The following SPEN variants were observed in gnomAD, a reference collection of about 807,000 sequenced individuals.
SPEN encodes the protein msx2-interacting protein.
Under a neutral mutation model 269.9 loss-of-function variants are expected in SPEN, and 18 were observed. The ratio of observed to expected loss-of-function variants is 0.07; its 90% CI spans 0.05 to 0.10. The LOEUF (loss-of-function observed/expected upper bound fraction) is 0.10, where lower values mean the gene tolerates loss of function less well. Ranked by LOEUF, SPEN falls within the 10% of genes least tolerant of loss-of-function variation. SPEN has a pLI of 1.00. For missense variants in SPEN, 3,822 were observed against 4,631.2 expected, an observed-to-expected ratio of 0.83 and a Z score of 5.07; for synonymous variants, 1,726 against 1,765.7, an observed-to-expected ratio of 0.98 and a Z score of 0.56.
intron 3 of SPEN, among the ~76,000 whole-genome samples, chr1:15,891,093 G>A (rs1417124973): frequency 6.6e-6 from 1 of 152,184 alleles, no homozygotes; most frequent in Admixed American, 6.6e-5. Context: ...TAATGCTTAA[G>A]CGTAGCCCAG....
At position 15,922,244 on chromosome 1, in the gene SPEN, TA is replaced by T; in HGVS notation, c.1750-2del. 7 of 1,578,378 alleles carry T rather than the reference TA, an allele frequency of 4.4e-6. No homozygotes were observed. The highest frequency in any genetic ancestry group is 2.2e-5 in the East Asian group (1 of 44,590). On this transcript the variant is annotated splice_region_variant and splice_polypyrimidine_tract_variant and intron_variant, in intron 9 of 14. Transcript: ENST00000375759. ...TGCATCAAACACCTCTTTTTTTTTT[TA>T]AAGGTGGATTTTGCAAATCGGGAAA...
At chr1:15,908,252 C>G (rs927078494) in intron 3 of SPEN, among the ~76,000 whole-genome samples, 2 of 152,030 alleles carry the variant, frequency 1.3e-5, no homozygotes, top group Non-Finnish European at 2.9e-5. Flanking sequence ...GTTTTAAAGA[C>G]AAGGCCTGAC....
At chr1:15,879,004 CAAAAAA>C (rs3048559) in intron 3 of SPEN, among the ~76,000 whole-genome samples, 3 of 76,562 alleles carry the variant, frequency 3.9e-5, no homozygotes, top group African/African-American at 5.5e-5. Flanking sequence ...GACTCTGTCT[CAAAAAA>C]AAAAAAAAAA....
chr1:15,873,192 G>C, intron 2 of SPEN, 56 bp downstream of exon 2: 1 of 1,512,678 alleles, frequency 6.6e-7, no homozygotes, highest in Non-Finnish European at 8.9e-7. Context: ...GTGAGAAACA[G>C]AAACTCATAT....
intron 1 of SPEN, among the ~76,000 whole-genome samples, chr1:15,852,039 A>G (rs2070341425): frequency 6.6e-6 from 1 of 152,216 alleles, no homozygotes; most frequent in South Asian, 2.1e-4. Flanking sequence ...GCTGATTTAA[A>G]ATGTTTGATC....
intron 3 of SPEN, among the ~76,000 whole-genome samples, chr1:15,886,667 T>C (rs2070739333): frequency 6.6e-6 from 1 of 152,242 alleles, no homozygotes; most frequent in Non-Finnish European, 1.5e-5. Flanking sequence ...ATGGTAACTT[T>C]TAGTCTTCTA....
intron 3 of SPEN, among the ~76,000 whole-genome samples, chr1:15,898,558 CTTT>C (rs375319827): frequency 3.0e-5 from 4 of 131,966 alleles, no homozygotes; most frequent in Non-Finnish European, 1.6e-5. Flanking sequence ...TTCTTTTTTT[CTTT>C]TTTTTTTTTT....
chr1:15,937,694 T>C lies in SPEN; in HGVS notation c.10509+49T>C. 6.2e-7 allele frequency: 1 copy of C among 1,606,422 alleles called. No individual in the cohort carries two copies. On this transcript the variant is annotated intron_variant, in intron 12 of 14. Transcript: ENST00000375759. The surrounding 1 kb of genome is among the most constrained non-coding windows in gnomAD (Gnocchi z 5.7). ...TTCCTGGCCCCCAAGTTTTATGCCA[T>C]GTCAAATGTCCTAAGATTCCCTAGT... is the stretch of plus-strand genomic sequence containing the variant.
rs756852620 is a variant in SPEN, at chr1:15,933,574, A to T, written c.7334A>T (p.Gln2445Leu). The T allele has an allele frequency of 2.9e-5, 46 of 1,613,790 alleles. No individual in the cohort carries two copies. Among genetic ancestry groups the T allele is most frequent in the Non-Finnish European group, 3.8e-5 (45 of 1,179,906 alleles). Residue 2445 changes from glutamine to leucine, a missense_variant, in exon 11 of 15, where the codon CAA becomes CTA. By Grantham distance (113) the Gln-to-Leu change is moderately radical (BLOSUM62 -2). This residue lies in a region of SPEN where 727 missense variants were observed against 737.9 expected (regional missense o/e 0.99). Transcript: ENST00000375759. The surrounding 1 kb of genome is among the most constrained non-coding windows in gnomAD (Gnocchi z 5.7). ...PQPAPVDEEP[Q>L]ARFRVHSIIE... ...CCAGCACCGGTGGATGAGGAGCCTC[A>T]AGCCAGGTTCAGGGTGCATTCCATC... is the stretch of plus-strand genomic sequence containing the variant.
chr1:15,921,765 T>A (rs974164533), intron 9 of SPEN, among the ~76,000 whole-genome samples: 3 of 152,260 alleles, frequency 2.0e-5, no homozygotes, highest in African/African-American at 7.2e-5. Context: ...TTTATGCACT[T>A]AACTATGAAA....
rs773856028 is a variant in SPEN, at chr1:15,929,450, C to A, written c.3210C>A (p.Ala1070=). 6.2e-7 allele frequency: 1 copy of A among 1,613,306 alleles called. No individual in the cohort carries two copies. Among genetic ancestry groups the A allele is most frequent in the Admixed American group, 1.7e-5 (1 of 59,880 alleles). Residue 1070 remains alanine (A), a synonymous_variant, in exon 11 of 15, where the codon GCC becomes GCA. Transcript: ENST00000375759. The surrounding 1 kb of genome is among the most constrained non-coding windows in gnomAD (Gnocchi z 5.8). ...GCCCCAAAGACTGTCAGGAGCTTGC[C>A]AGTATTTCTGTTGGGTCTGGCTCAA... ...VASPKDCQEL[A]SISVGSGSRP... is the part of the protein sequence containing the mutation.
intron 5 of SPEN, 114 bp from the exon 6 acceptor site, chr1:15,916,014 T>C: frequency 7.9e-7 from 1 of 1,258,520 alleles, no homozygotes; most frequent in Non-Finnish European, 1.1e-6. Context: ...TATGTGAGTA[T>C]TCAAGCCCAT....
chr1:15,908,298 G>A (rs1326384979), intron 3 of SPEN, among the ~76,000 whole-genome samples: 2 of 152,050 alleles, frequency 1.3e-5, no homozygotes, highest in African/African-American at 4.8e-5. Flanking sequence ...TCCTGGCTTC[G>A]AGCGATCCTG....
At chr1:15,874,503 G>A in intron 2 of SPEN, 1 of 816,694 alleles carries the variant, frequency 1.2e-6, no homozygotes, top group Admixed American at 3.7e-5. Flanking sequence ...GTGAATCAGA[G>A]AATAGCCATT....
chr1:15,848,239 C>A lies in SPEN; in HGVS notation c.83+89C>A. 1.0e-6 allele frequency: 1 copy of A among 984,022 alleles called. No individual in the cohort carries two copies. The highest frequency in any genetic ancestry group is 1.4e-6 in the Non-Finnish European group (1 of 703,578). The allele number at this position is 984,022 out of a possible 1,614,324, so 61.0% of individuals were successfully genotyped here. ...TGCCGGCCCCTCCCGGAGCGCGGAG[C>A]TGGTGAGGAGGACTCCGGCCCGGAC... On this transcript the variant is annotated intron_variant, in intron 1 of 14. Coordinates refer to ENST00000375759, the MANE Select transcript of SPEN (RefSeq NM_015001.3). The surrounding 1 kb of genome is among the most constrained non-coding windows in gnomAD (Gnocchi z 5.1).
rs376624034 is a variant in SPEN, at chr1:15,940,242, A to G, written c.*815A>G. 2.1e-5 allele frequency: 5 copies of G among 233,074 alleles called. No homozygotes were observed. The East Asian group carries it at 3.0e-4, about 14-fold the overall frequency. The allele number at this position is 233,074 out of a possible 1,614,324, so 14.4% of individuals were successfully genotyped here. Reference sequence around the variant, plus strand: ...GACTTTGTATTGCCCACTCATTTGTATAAGTGCGCTTCGGTACAGCACGGG... The same window carrying G: ...GACTTTGTATTGCCCACTCATTTGTGTAAGTGCGCTTCGGTACAGCACGGG... On this transcript the variant is annotated 3_prime_UTR_variant, in exon 15 of 15. Coordinates refer to ENST00000375759, the MANE Select transcript of SPEN (RefSeq NM_015001.3).
intron 5 of SPEN, among the ~76,000 whole-genome samples, chr1:15,914,902 A>T (rs1427694074): frequency 6.6e-6 from 1 of 152,242 alleles, no homozygotes; most frequent in African/African-American, 2.4e-5. Flanking sequence ...TCAAAAGATA[A>T]TTTAAAACAT....
At position 15,928,500 on chromosome 1, in the gene SPEN, A is replaced by T; in HGVS notation, c.2260A>T (p.Arg754Trp). The part of the protein sequence containing the change: ...AERLPSDSER[R>W]LYSRSSDRSG... ...GAGGTTGCCGAGTGATTCTGAGAGG[A>T]GGCTTTACAGCCGATCCTCAGACCG... Residue 754 changes from arginine to tryptophan, a missense_variant, in exon 11 of 15, where the codon AGG becomes TGG. By Grantham distance (101) the Arg-to-Trp change is moderately radical. Coordinates refer to ENST00000375759, the MANE Select transcript of SPEN (RefSeq NM_015001.3). This position sits in a 1 kb window ranked among gnomAD's most constrained non-coding sequence, Gnocchi z 5.7. 6.2e-7 allele frequency: 1 copy of T among 1,614,128 alleles called. No individual in the cohort carries two copies. Among genetic ancestry groups the T allele is most frequent in the Non-Finnish European group, 8.5e-7 (1 of 1,180,030 alleles).
At chr1:15,850,623 C>A (rs1158298985) in intron 1 of SPEN, among the ~76,000 whole-genome samples, 1 of 152,114 alleles carries the variant, frequency 6.6e-6, no homozygotes, top group Non-Finnish European at 1.5e-5. Flanking sequence ...TCCTGCTGAT[C>A]CAGCTGTGGA....
Sources: allele counts gnomAD v4.1 joint callset (sites outside exome capture counted in the v4.1 genomes callset), GRCh38; gene constraint gnomAD v4.1.1; regional missense constraint gnomAD v4.1.1; non-coding constraint Gnocchi (gnomAD v3.1); transcripts MANE v1.5; gene names NCBI Gene and HGNC (gene_info 2026-07-23, HGNC 2026-07-21).